ECHDC2: variants seen among roughly 807,000 people sequenced by gnomAD.
ECHDC2 encodes the protein enoyl-CoA hydratase domain-containing protein 2, mitochondrial.
In ECHDC2, 34 loss-of-function variants were observed where a neutral mutation model predicts 40.6. The observed-to-expected ratio is 0.84, with a 90% CI of 0.64 to 1.11. The LOEUF (loss-of-function observed/expected upper bound fraction) is 1.11. Ranked by LOEUF, ECHDC2 falls within the 50% of genes most tolerant of loss-of-function variation. ECHDC2 has a pLI of 0.00. For synonymous variants in ECHDC2, 162 were observed against 166.6 expected, an observed-to-expected ratio of 0.97 and a Z score of 0.21; for missense variants, 392 against 400.7, an observed-to-expected ratio of 0.98 and a Z score of 0.19.
At chr1:52,901,331 G>C (rs1646979118) in intron 7 of ECHDC2, 1 of 148,952 alleles carries the variant, frequency 6.7e-6, no homozygotes, top group Admixed American at 6.7e-5. Flanking sequence ...CTCAGGCCCA[G>C]GGCTTCAAGG....
In ECHDC2 at chr1:52,904,768, G is replaced by A. The variant is rs769976983; in HGVS notation, c.580C>T (p.Arg194Ter). Reference protein sequence around the residue: ...ALAKELIFTGRRLSGTEAHVL... With the variant: ...ALAKELIFTG ...TGGGCCTCAGTTCCACTCAGTCGTCGGCCCGTGAAGATGAGCTCCTTCGCC... is the reference window on the plus strand; with the variant it reads ...TGGGCCTCAGTTCCACTCAGTCGTCAGCCCGTGAAGATGAGCTCCTTCGCC... Residue 194 changes from arginine (R) to a stop codon, truncating the protein, a stop_gained, in exon 7 of 10, where the codon CGA becomes TGA. Coordinates refer to ENST00000371522, the MANE Select transcript of ECHDC2 (RefSeq NM_001198961.2). LOFTEE classifies it high-confidence loss of function. The A allele has an allele frequency of 6.8e-6, 11 of 1,612,998 alleles. No individual in the cohort carries two copies. Among genetic ancestry groups the A allele is most frequent in the South Asian group, 1.1e-5 (1 of 91,086 alleles).
intron 3 of ECHDC2, among the ~76,000 whole-genome samples, chr1:52,908,857 G>A (rs939976916): frequency 2.7e-5 from 4 of 149,666 alleles, no homozygotes; most frequent in East Asian, 4.0e-4. Flanking sequence ...GGAGAATCGC[G>A]TGAGCCCAGG....
Position 52,897,484 on chromosome 1 carries a change from C to T in ECHDC2, c.754G>A (p.Val252Met). 1 of 1,614,216 alleles carries T rather than the reference C, an allele frequency of 6.2e-7. No individual in the cohort carries two copies. The highest frequency in any genetic ancestry group is 8.5e-7 in the Non-Finnish European group (1 of 1,180,038). Reference sequence around the variant, plus strand: ...ATGGCCATCCCAGATGCAATGTCCACCTGCAAGAAAGACGTGCTCCCTGGA... The same window carrying T: ...ATGGCCATCCCAGATGCAATGTCCATCTGCAAGAAAGACGTGCTCCCTGGA... The part of the protein sequence containing the change: ...GKVAIDRGTE[V>M]DIASGMAIEG... Residue 252 changes from valine (V) to methionine (M), a missense_variant and splice_region_variant, in exon 9 of 10, where the codon GTG (valine) becomes ATG (methionine). Physicochemically the swap from Val to Met is conservative, Grantham distance 21. Transcript: ENST00000371522.
chr1:52,897,409 A>C, intron 9 of ECHDC2, 28 bp downstream of exon 9: 4 of 1,613,146 alleles, frequency 2.5e-6, no homozygotes, highest in Non-Finnish European at 3.4e-6. Context: ...CTATGTTAAC[A>C]AGCAGGCATG....
intron 3 of ECHDC2, among the ~76,000 whole-genome samples, chr1:52,908,575 A>C (rs1648551274): frequency 6.6e-6 from 1 of 152,326 alleles, no homozygotes; most frequent in African/African-American, 2.4e-5. Context: ...TATATCTGAT[A>C]AAGGTTTAAT....
chr1:52,920,718 T>C (rs939353411), intron 1 of ECHDC2: 24 of 581,178 alleles, frequency 4.1e-5, no homozygotes, highest in South Asian at 2.7e-4. Flanking sequence ...CTTGGAGCTG[T>C]TGTACATTTA....
chr1:52,920,732 A>G, intron 1 of ECHDC2: 1 of 553,902 alleles, frequency 1.8e-6, no homozygotes, highest in Middle Eastern at 5.0e-4. Flanking sequence ...ACATTTAAGA[A>G]TAAACTTTTG....
chr1:52,898,625 G>GT, intron 8 of ECHDC2: 1 of 165,766 alleles, frequency 6.0e-6, no homozygotes, highest in South Asian at 1.5e-4. Context: ...ATTTGTGTCT[G>GT]TATCTGCCCC....
intron 1 of ECHDC2, among the ~76,000 whole-genome samples, chr1:52,916,855 A>G (rs1650788278): frequency 1.3e-5 from 2 of 152,146 alleles, no homozygotes; most frequent in African/African-American, 4.8e-5. Context: ...CATACCACTG[A>G]GCAGCTGACC....
intron 7 of ECHDC2, among the ~76,000 whole-genome samples, chr1:52,902,686 GA>G (rs1348671599): frequency 6.6e-6 from 1 of 152,098 alleles, no homozygotes; most frequent in Non-Finnish European, 1.5e-5. Context: ...TTTTGTATTT[GA>G]AATACATTAA....
chr1:52,901,106 T>A (rs1646962207), intron 7 of ECHDC2: 1 of 152,322 alleles, frequency 6.6e-6, no homozygotes, highest in East Asian at 1.9e-4. Context: ...TCCAGTGAGC[T>A]GTGATCATGC....
Position 52,921,576 on chromosome 1 carries a change from C to T in ECHDC2, c.98G>A (p.Arg33His). 1 of 1,609,468 alleles carries T rather than the reference C, an allele frequency of 6.2e-7. No individual in the cohort carries two copies. The highest frequency in any genetic ancestry group is 8.5e-7 in the Non-Finnish European group (1 of 1,178,488). The change falls in exon 1 of 10, where the codon CGC (arginine) becomes CAC (histidine). Residue 33 changes from arginine to histidine, a missense_variant. Coordinates refer to ENST00000371522, the MANE Select transcript of ECHDC2 (RefSeq NM_001198961.2). ...ACCTTGGTCCGGACCCGCCAGGGCG[C>T]GCACTTGGATCTCTGAGCCCCCGGC... ...GAAGGSEIQV[R>H]ALAGPDQGIT... is the part of the protein sequence containing the mutation.
At chr1:52,915,071 A>T in intron 1 of ECHDC2, 1 of 369,464 alleles carries the variant, frequency 2.7e-6, no homozygotes. Flanking sequence ...GCCCCAATTC[A>T]CCCCCGCCAT....
chr1:52,921,471 T>G, intron 1 of ECHDC2, 82 bp downstream of exon 1: 1 of 1,500,740 alleles, frequency 6.7e-7, no homozygotes, highest in Non-Finnish European at 8.9e-7. Context: ...TTCAACGCAC[T>G]GAGCGGCCCA....
intron 6 of ECHDC2, 81 bp downstream of exon 6, chr1:52,904,953 C>T: frequency 1.2e-6 from 2 of 1,605,038 alleles, no homozygotes; most frequent in Non-Finnish European, 1.7e-6. Flanking sequence ...GAGGGCAGAG[C>T]CCAGAACAGA....
intron 1 of ECHDC2, chr1:52,917,658 C>A: frequency 2.2e-6 from 1 of 456,008 alleles, no homozygotes; most frequent in South Asian, 1.5e-5. Flanking sequence ...TCATGCACAG[C>A]ATGATGATGT....
rs1435743332 is a variant in ECHDC2 at position 52,905,040 on chromosome 1, C to T, written c.508G>A (p.Gly170Arg). 2 of 1,614,194 alleles carry T rather than the reference C, an allele frequency of 1.2e-6. No individual in the cohort carries two copies. The highest frequency in any genetic ancestry group is 2.2e-5 in the South Asian group (2 of 91,084). The stretch of plus-strand genomic sequence containing the variant: ...GTGCTGTAGTTGCGATTACCTGCCC[C>T]CGGGAGGAGCCCTCGCGTGGTCTCA... The part of the protein sequence containing the change: ...LIETTRGLLP[G>R]AGGTQRLPRC... The change falls in exon 6 of 10, where the codon GGG (glycine) becomes AGG (arginine). Residue 170 changes from glycine to arginine, a missense_variant. By Grantham distance (125) the Gly-to-Arg change is moderately radical. Coordinates refer to ENST00000371522, the MANE Select transcript of ECHDC2 (RefSeq NM_001198961.2).
chr1:52,910,859 AAGGCCAGATGC>A (rs1247663224), intron 3 of ECHDC2, among the ~76,000 whole-genome samples: 2 of 152,196 alleles, frequency 1.3e-5, no homozygotes, highest in Non-Finnish European at 2.9e-5. Context: ...GGGGTCCTCA[AAGGCCAGATGC>A]AGGGGTGAGC....
intron 5 of ECHDC2, chr1:52,905,941 G>T (rs560174710): frequency 4.4e-6 from 1 of 229,516 alleles, no homozygotes; most frequent in Non-Finnish European, 8.6e-6. Context: ...GAGAGCGGTG[G>T]GGGGAGAAGG....
Sources: allele counts gnomAD v4.1 joint callset (sites outside exome capture counted in the v4.1 genomes callset), GRCh38; gene constraint gnomAD v4.1.1; transcripts MANE v1.5; gene names NCBI Gene and HGNC (gene_info 2026-07-23, HGNC 2026-07-21).